The following CLNK variants were observed in gnomAD, a reference collection of about 807,000 sequenced individuals.
CLNK encodes cytokine-dependent hematopoietic cell linker.
In CLNK, 74 loss-of-function variants were observed where a neutral mutation model predicts 68.6. That is an observed-to-expected ratio of 1.08 (90% CI 0.89 to 1.31). CLNK has a LOEUF of 1.31. Among genes scored for constraint, CLNK ranks in the 50% most tolerant of loss-of-function variants. CLNK has a pLI of 0.00. For synonymous variants in CLNK, 198 were observed against 172.2 expected (o/e 1.15, Z -1.17); for missense variants, 553 against 515.3 (o/e 1.07, Z -0.71).
intron 5 of CLNK, among the ~76,000 whole-genome samples, chr4:10,567,717 A>T (rs1295437988): frequency 6.6e-6 from 1 of 152,238 alleles, no homozygotes; most frequent in South Asian, 2.1e-4. Context: ...AACTCTTACA[A>T]TGCAATGATC....
At chr4:10,715,198 C>T in the CLNK span, among the ~76,000 whole-genome samples, 2 of 152,138 alleles carry the variant, frequency 1.3e-5, no homozygotes, top group Non-Finnish European at 2.9e-5. Context: ...ACACTGGGGA[C>T]CTTGTTAGCA....
chr4:10,722,509 A>G, the CLNK span, among the ~76,000 whole-genome samples: 1 of 152,056 alleles, frequency 6.6e-6, no homozygotes, highest in Non-Finnish European at 1.5e-5. Context: ...GCTTTCGATA[A>G]CTCTGTTTCT....
the CLNK span, among the ~76,000 whole-genome samples, chr4:10,727,455 G>T: frequency 5.3e-5 from 8 of 152,114 alleles, no homozygotes; most frequent in African/African-American, 1.9e-4. Flanking sequence ...AATTGGAGGG[G>T]GTCAGTCTAA....
chr4:10,734,406 G>A, the CLNK span, among the ~76,000 whole-genome samples: 13 of 152,276 alleles, frequency 8.5e-5, no homozygotes, highest in East Asian at 2.5e-3. Flanking sequence ...TTACCCAGCC[G>A]AATCTTTCCC....
chr4:10,677,144 A>G (rs1185646418), intron 1 of CLNK, among the ~76,000 whole-genome samples: 1 of 152,166 alleles, frequency 6.6e-6, no homozygotes, highest in African/African-American at 2.4e-5. Flanking sequence ...GAGGAAAAAA[A>G]GTATAAGAAA....
At chr4:10,723,006 T>G in the CLNK span, among the ~76,000 whole-genome samples, 1 of 151,832 alleles carries the variant, frequency 6.6e-6, no homozygotes, top group African/African-American at 2.4e-5. Context: ...ATCACACCAC[T>G]GCACTCCAGC....
chr4:10,670,126 A>G (rs995646668), intron 1 of CLNK, among the ~76,000 whole-genome samples: 3 of 152,220 alleles, frequency 2.0e-5, no homozygotes, highest in African/African-American at 7.2e-5. Flanking sequence ...ATAAACTGAA[A>G]CATATGAAAA....
At chr4:10,646,728 G>T (rs915282526) in intron 2 of CLNK, among the ~76,000 whole-genome samples, 5 of 151,968 alleles carry the variant, frequency 3.3e-5, no homozygotes, top group Admixed American at 2.0e-4. Flanking sequence ...CATAATCATG[G>T]GTAAATGTAA....
intron 13 of CLNK, among the ~76,000 whole-genome samples, chr4:10,527,689 T>TGTGTGTGTGTGCATGAAAGAGCC (rs1718375012): frequency 1.3e-5 from 2 of 152,060 alleles, no homozygotes; most frequent in Non-Finnish European, 2.9e-5. Flanking sequence ...TGTACATGTA[T>TGTGTGTGTGTGCATGAAAGAGCC]GTGTGTGTGT....
chr4:10,598,205 G>A (rs992169350), intron 2 of CLNK, among the ~76,000 whole-genome samples, 156 bp from the exon 3 acceptor site: 4 of 152,156 alleles, frequency 2.6e-5, no homozygotes, highest in Non-Finnish European at 5.9e-5. Context: ...TACCACTAGG[G>A]TTAAAGAAAA....
rs973786352 is a variant in CLNK, at chr4:10,586,134, T to G, written c.84-1179A>C. 2.0e-5 allele frequency among the ~76,000 whole-genome samples: 3 copies of G among 147,638 alleles called. No homozygotes were observed. The Admixed American group carries it at 2.0e-4, about 10-fold the overall frequency. On this transcript the variant is annotated intron_variant, in intron 3 of 18. Coordinates refer to ENST00000226951, the MANE Select transcript of CLNK (RefSeq NM_052964.4). ...CAAAGCTTAGGCGATAATGCTTGCT[T>G]GTCCACTGCCCACCTCCTGCTGTGC...
chr4:10,530,035 CT>C (rs1718475324), intron 12 of CLNK, among the ~76,000 whole-genome samples: 1 of 151,908 alleles, frequency 6.6e-6, no homozygotes, highest in Non-Finnish European at 1.5e-5. Context: ...TCCTTCCTCC[CT>C]TTCTTTCACC....
chr4:10,687,825 C>T (rs1259621960), upstream of CLNK, among the ~76,000 whole-genome samples: 1 of 152,142 alleles, frequency 6.6e-6, no homozygotes, highest in African/African-American at 2.4e-5. Flanking sequence ...GGTGATAATT[C>T]ATTTTGTGTT....
chr4:10,529,343 C>T (rs1183633082), intron 12 of CLNK, among the ~76,000 whole-genome samples: 1 of 152,132 alleles, frequency 6.6e-6, no homozygotes, highest in Admixed American at 6.6e-5. Flanking sequence ...AGTTGGTTTA[C>T]AGATGAGGTC....
At chr4:10,624,734 C>T (rs1428450493) in intron 2 of CLNK, among the ~76,000 whole-genome samples, 1 of 151,842 alleles carries the variant, frequency 6.6e-6, no homozygotes, top group African/African-American at 2.4e-5. Flanking sequence ...TGAGCTGCTT[C>T]CCATAGTATT....
chr4:10,679,461 G>T (rs1725007134), intron 1 of CLNK, among the ~76,000 whole-genome samples: 3 of 152,146 alleles, frequency 2.0e-5, no homozygotes, highest in African/African-American at 7.2e-5. Flanking sequence ...CATGGGCAAG[G>T]ACTTCATGTC....
At chr4:10,571,221 G>A (rs1158576273) in intron 5 of CLNK, among the ~76,000 whole-genome samples, 2 of 151,714 alleles carry the variant, frequency 1.3e-5, no homozygotes, top group Non-Finnish European at 2.9e-5. Flanking sequence ...TTTTATAGCT[G>A]AGGAATTGGA....
At chr4:10,520,694 C>T in intron 15 of CLNK, 97 bp downstream of exon 15, 1 of 825,862 alleles carries the variant, frequency 1.2e-6, no homozygotes, top group Non-Finnish European at 2.1e-6. Flanking sequence ...CACATCAGCT[C>T]AGTGGCTCTG....
chr4:10,520,236 G>A (rs761337236), intron 15 of CLNK, among the ~76,000 whole-genome samples: 9 of 152,186 alleles, frequency 5.9e-5, no homozygotes, highest in Non-Finnish European at 1.2e-4. Context: ...AGACATCGCC[G>A]CAGATGTGAT....
Sources: gnomAD v4.1 joint callset for allele counts (sites outside exome capture counted in the v4.1 genomes callset) on GRCh38, gnomAD v4.1.1 for gene constraint, MANE v1.5 for transcripts, NCBI Gene and HGNC (gene_info 2026-07-23, HGNC 2026-07-21) for gene names.